CDH13: variants seen among roughly 807,000 people sequenced by gnomAD.
CDH13 encodes cadherin 13.
In CDH13, 24 loss-of-function variants were observed where a neutral mutation model predicts 63.8. That is an observed-to-expected ratio of 0.38 (90% CI 0.27 to 0.53). The LOEUF (loss-of-function observed/expected upper bound fraction) is 0.53, where lower values mean the gene tolerates loss of function less well. CDH13 is among the 20% of genes least tolerant of loss of function. The pLI is 0.85. For synonymous variants in CDH13, 503 were observed against 355.3 expected, an observed-to-expected ratio of 1.42 and a Z score of -4.67; for missense variants, 1,049 against 903.1, an observed-to-expected ratio of 1.16 and a Z score of -2.07.
At chr16:82,770,396 C>A (rs1434659759) in intron 1 of CDH13, among the ~76,000 whole-genome samples, 1 of 152,134 alleles carries the variant, frequency 6.6e-6, no homozygotes, top group Non-Finnish European at 1.5e-5. Context: ...GTTTGCAGTC[C>A]AATTATAATG....
intron 1 of CDH13, among the ~76,000 whole-genome samples, chr16:82,800,681 C>G (rs1438170794): frequency 6.6e-6 from 1 of 152,138 alleles, no homozygotes; most frequent in African/African-American, 2.4e-5. Flanking sequence ...ACTGCTTGTC[C>G]TTGGTCATGC....
intron 3 of CDH13, among the ~76,000 whole-genome samples, chr16:83,056,184 AAATT>A (rs2030910416): frequency 6.6e-6 from 1 of 152,204 alleles, no homozygotes; most frequent in Non-Finnish European, 1.5e-5. Flanking sequence ...ACACATGTGA[AAATT>A]AATTAGAATT....
intron 1 of CDH13, among the ~76,000 whole-genome samples, chr16:82,648,284 A>C (rs35877604): frequency 6.6e-6 from 1 of 152,086 alleles, no homozygotes; most frequent in Non-Finnish European, 1.5e-5. Flanking sequence ...AAATATGTAC[A>C]AAATACATTA....
chr16:83,445,542 G>C (rs12446118), intron 6 of CDH13, among the ~76,000 whole-genome samples: 1 of 151,922 alleles, frequency 6.6e-6, no homozygotes, highest in South Asian at 2.1e-4. Context: ...CCACAGCTGC[G>C]TTAGTATTCC....
At chr16:82,841,464 C>T (rs1324652620) in intron 1 of CDH13, among the ~76,000 whole-genome samples, 1 of 152,138 alleles carries the variant, frequency 6.6e-6, no homozygotes, top group Non-Finnish European at 1.5e-5. Context: ...GCAGCAGCTC[C>T]CTAATTATGT....
In CDH13 at chr16:82,627,120, T is replaced by G; in HGVS notation, c.28T>G (p.Cys10Gly). The change falls in exon 1 of 14, where the codon TGC (cysteine) becomes GGC (glycine). Residue 10 changes from cysteine (C) to glycine (G), a missense_variant. By Grantham distance (159) the Cys-to-Gly change is radical. Transcript: ENST00000567109. Reference sequence around the variant, plus strand: ...GCAGCCGAGAACTCCGCTCGTTCTGTGCGTTCTCCTGTCCCAGGTAGGGAA... The same window carrying G: ...GCAGCCGAGAACTCCGCTCGTTCTGGGCGTTCTCCTGTCCCAGGTAGGGAA... MQPRTPLVL[C>G]VLLSQVLLLT... is the part of the protein sequence containing the mutation. 1 of 1,607,076 alleles carries G rather than the reference T, an allele frequency of 6.2e-7. No individual in the cohort carries two copies. The highest frequency in any genetic ancestry group is 8.5e-7 in the Non-Finnish European group (1 of 1,177,180).
intron 7 of CDH13, among the ~76,000 whole-genome samples, chr16:83,533,819 C>G (rs2075133040): frequency 6.6e-6 from 1 of 151,932 alleles, no homozygotes; most frequent in Non-Finnish European, 1.5e-5. Flanking sequence ...TGGGATTTCG[C>G]CATGTTGCCC....
rs551870001 is a variant in CDH13, at chr16:82,918,361, A to AT, written c.157+59895dup. 1.6e-4 allele frequency among the ~76,000 whole-genome samples: 25 copies of AT among 152,180 alleles called. No individual in the cohort carries two copies. The South Asian group carries it at 2.7e-3, about 16-fold the overall frequency. Reference sequence around the variant, plus strand: ...TAGAATCTCTGCACCAGTTTCTGTGATTTTTTTGAGACATCCTGAAGATGA... The same window carrying AT: ...TAGAATCTCTGCACCAGTTTCTGTGATTTTTTTTGAGACATCCTGAAGATGA... On this transcript the variant is annotated intron_variant, in intron 2 of 13. Transcript: ENST00000567109.
intron 7 of CDH13, among the ~76,000 whole-genome samples, chr16:83,586,408 TAAAATG>T (rs1906161757): frequency 6.6e-6 from 1 of 152,188 alleles, no homozygotes; most frequent in Non-Finnish European, 1.5e-5. Context: ...TTTTTAAAAA[TAAAATG>T]AAAAGGAGCC....
intron 5 of CDH13, among the ~76,000 whole-genome samples, chr16:83,308,624 G>C (rs553177686): frequency 2.0e-5 from 3 of 152,296 alleles, no homozygotes; most frequent in Non-Finnish European, 4.4e-5. Context: ...GTGATTTATG[G>C]CACAGATCCA....
intron 5 of CDH13, among the ~76,000 whole-genome samples, chr16:83,256,844 C>CA (rs57312967): frequency 1.7e-3 from 131 of 78,636 alleles, no homozygotes; most frequent in Admixed American, 4.3e-3. Context: ...GACTCCATCT[C>CA]AAAAAAAAAA....
At chr16:82,966,455 CTATTT>C (rs1256531638) in intron 2 of CDH13, among the ~76,000 whole-genome samples, 1 of 152,134 alleles carries the variant, frequency 6.6e-6, no homozygotes, top group Non-Finnish European at 1.5e-5. Flanking sequence ...CCTATTTTTC[CTATTT>C]TATTAATGAG....
chr16:82,636,594 C>T (rs1407946152), intron 1 of CDH13, among the ~76,000 whole-genome samples: 1 of 152,206 alleles, frequency 6.6e-6, no homozygotes, highest in Non-Finnish European at 1.5e-5. Context: ...CCTCAGCAAT[C>T]GCTTTGCCAA....
intron 7 of CDH13, among the ~76,000 whole-genome samples, chr16:83,490,651 A>G (rs1470303955): frequency 6.6e-6 from 1 of 152,164 alleles, no homozygotes; most frequent in East Asian, 1.9e-4. Flanking sequence ...CCCATGACCT[A>G]TTGCCAGTAC....
intron 1 of CDH13, among the ~76,000 whole-genome samples, chr16:82,697,754 TG>T (rs2030504579): frequency 1.5e-4 from 1 of 6,608 alleles, no homozygotes; most frequent in Admixed American, 6.5e-3. Context: ...TGTGTGTGTG[TG>T]TGTGTGTGTG....
intron 1 of CDH13, among the ~76,000 whole-genome samples, chr16:82,701,299 C>A (rs1597359488): frequency 6.6e-6 from 1 of 152,118 alleles, no homozygotes; most frequent in African/African-American, 2.4e-5. Flanking sequence ...CCACGGGGTC[C>A]TTTTGCCATG....
intron 7 of CDH13, among the ~76,000 whole-genome samples, chr16:83,563,799 T>C (rs1022452111): frequency 6.6e-6 from 1 of 151,664 alleles, no homozygotes; most frequent in Admixed American, 6.6e-5. Flanking sequence ...TTTCCTCTGC[T>C]CCCTGGCAGA....
chr16:83,594,505 G>A (rs1907071299), intron 7 of CDH13, among the ~76,000 whole-genome samples: 1 of 152,178 alleles, frequency 6.6e-6, no homozygotes, highest in Non-Finnish European at 1.5e-5. Flanking sequence ...CCTCTGTGCT[G>A]TGAATAATGA....
intron 8 of CDH13, among the ~76,000 whole-genome samples, chr16:83,662,800 A>G (rs1157190023): frequency 6.6e-6 from 1 of 152,238 alleles, no homozygotes; most frequent in Non-Finnish European, 1.5e-5. Flanking sequence ...TGCAAGGAAT[A>G]GAAACCTGCT....
Sources: gnomAD v4.1 joint callset for allele counts (sites outside exome capture counted in the v4.1 genomes callset) on GRCh38, gnomAD v4.1.1 for gene constraint, MANE v1.5 for transcripts, NCBI Gene and HGNC (gene_info 2026-07-23, HGNC 2026-07-21) for gene names.